The following FNDC3A variants were observed in gnomAD, a reference collection of about 807,000 sequenced individuals.
The protein encoded by FNDC3A is fibronectin type III domain containing 3A.
FNDC3A carries 32 observed loss-of-function variants against 148.9 expected under a neutral mutation model. The observed-to-expected ratio is 0.21, with a 90% CI of 0.16 to 0.29. The LOEUF is 0.29. Among genes scored for constraint, FNDC3A ranks in the 10% least tolerant of loss-of-function variants. The pLI, the probability that FNDC3A is intolerant of heterozygous loss-of-function variation, is 1.00. For synonymous variants in FNDC3A, 472 were observed against 473.6 expected (o/e 1.00, Z 0.04); for missense variants, 1,191 against 1,452.8 (o/e 0.82, Z 2.93).
chr13:49,086,949 T>C (rs1168598714), intron 3 of FNDC3A, among the ~76,000 whole-genome samples: 1 of 152,142 alleles, frequency 6.6e-6, no homozygotes, highest in Non-Finnish European at 1.5e-5. Context: ...TGAATGACTA[T>C]GATTCATTCC....
rs749321231 is a variant in FNDC3A at position 49,198,213 on chromosome 13, G to C, written c.2722G>C (p.Gly908Arg). Residue 908 changes from glycine to arginine, a missense_variant, in exon 22 of 26, where the codon GGA becomes CGA. By Grantham distance (125) the Gly-to-Arg change is moderately radical (BLOSUM62 -2). Transcript: ENST00000492622. ...TGGAGATAAACAATCCCTAACAGTG[G>C]GAAAGGTTACAAGCTATATTATCAA... ...DFGDKQSLTV[G>R]KVTSYIINNL... 10 of 1,613,978 alleles carry C rather than the reference G, an allele frequency of 6.2e-6. No homozygotes were observed. Among genetic ancestry groups the C allele is most frequent in the Non-Finnish European group, 8.5e-6 (10 of 1,179,954 alleles).
intron 13 of FNDC3A, among the ~76,000 whole-genome samples, chr13:49,178,188 G>T (rs535268270): frequency 7.7e-4 from 118 of 152,280 alleles, no homozygotes; most frequent in African/African-American, 2.7e-3. Flanking sequence ...AGTTAAATAT[G>T]TTAACTACTT....
At chr13:49,154,063 T>A (rs1388210924) in intron 8 of FNDC3A, among the ~76,000 whole-genome samples, 12 of 116,378 alleles carry the variant, frequency 1.0e-4, no homozygotes, top group African/African-American at 2.3e-4. Flanking sequence ...AAGAAAGTCA[T>A]TGGTAGCTTG....
chr13:49,087,803 C>T (rs1264639073), intron 3 of FNDC3A, among the ~76,000 whole-genome samples: 3 of 151,970 alleles, frequency 2.0e-5, no homozygotes, highest in Admixed American at 1.3e-4. Context: ...AAAATGGTAA[C>T]TTGTTTTTTA....
intron 2 of FNDC3A, among the ~76,000 whole-genome samples, chr13:49,029,320 C>G (rs1873945985): frequency 6.6e-6 from 1 of 151,898 alleles, no homozygotes. Context: ...TTCTACAAAG[C>G]CAGTAGGCCA....
At chr13:49,123,386 G>A (rs527528911) in intron 4 of FNDC3A, among the ~76,000 whole-genome samples, 14 of 151,896 alleles carry the variant, frequency 9.2e-5, no homozygotes, top group South Asian at 2.1e-4. Context: ...ACCTAAAACC[G>A]TAAAAACCCT....
At chr13:49,130,946 A>T (rs1881992061) in intron 4 of FNDC3A, among the ~76,000 whole-genome samples, 191 bp from the exon 5 acceptor site, 3 of 151,970 alleles carry the variant, frequency 2.0e-5, no homozygotes, top group African/African-American at 7.3e-5. Flanking sequence ...TTGTATTTTT[A>T]GTAGAGACAG....
intron 25 of FNDC3A, 118 bp downstream of exon 25, chr13:49,203,402 TA>T: frequency 1.5e-6 from 1 of 674,602 alleles, no homozygotes; most frequent in South Asian, 2.1e-5. Flanking sequence ...TTATTCAGTA[TA>T]TATTATGTTC....
chr13:49,064,850 G>A (rs1368563873), intron 2 of FNDC3A, among the ~76,000 whole-genome samples: 3 of 152,188 alleles, frequency 2.0e-5, no homozygotes, highest in African/African-American at 7.2e-5. Context: ...TTGCAAGGCA[G>A]GAGGGTATAA....
chr13:49,129,821 A>AT (rs1881922145), intron 4 of FNDC3A, among the ~76,000 whole-genome samples: 1 of 152,182 alleles, frequency 6.6e-6, no homozygotes, highest in South Asian at 2.1e-4. Context: ...TAATAATCTA[A>AT]TTAATGTTTG....
chr13:49,140,469 G>A (rs542200660), intron 7 of FNDC3A, among the ~76,000 whole-genome samples: 1 of 152,256 alleles, frequency 6.6e-6, no homozygotes, highest in South Asian at 2.1e-4. Context: ...ATAAAGTAAT[G>A]CTGATGGTTT....
chr13:48,985,711 C>G (rs1030657329), intron 1 of FNDC3A, among the ~76,000 whole-genome samples: 5 of 152,062 alleles, frequency 3.3e-5, no homozygotes, highest in African/African-American at 1.2e-4. Flanking sequence ...ACATAACAAC[C>G]AATCCCAGAA....
intron 4 of FNDC3A, among the ~76,000 whole-genome samples, chr13:49,128,928 C>T (rs1881865850): frequency 6.6e-6 from 1 of 152,244 alleles, no homozygotes; most frequent in African/African-American, 2.4e-5. Context: ...AAGGCCTACT[C>T]TGATCCCTGT....
chr13:49,027,652 G>A (rs1873816206), intron 2 of FNDC3A, among the ~76,000 whole-genome samples: 1 of 152,020 alleles, frequency 6.6e-6, no homozygotes, highest in Non-Finnish European at 1.5e-5. Flanking sequence ...TATGAGTTAA[G>A]AGGTTAATTA....
chr13:49,188,484 A>G (rs1306385031), intron 16 of FNDC3A, 31 bp from the exon 17 acceptor site: 9 of 1,345,932 alleles, frequency 6.7e-6, no homozygotes, highest in Non-Finnish European at 1.1e-6. Context: ...ATTACCTAGT[A>G]TCTGATTGAA....
At chr13:49,070,508 G>A (rs1877580363) in intron 2 of FNDC3A, among the ~76,000 whole-genome samples, 1 of 152,082 alleles carries the variant, frequency 6.6e-6, no homozygotes, top group African/African-American at 2.4e-5. Context: ...TGTATACAAT[G>A]TCCAATGATC....
intron 1 of FNDC3A, among the ~76,000 whole-genome samples, chr13:48,990,268 C>T (rs1951888647): frequency 6.6e-6 from 1 of 151,838 alleles, no homozygotes; most frequent in African/African-American, 2.4e-5. Context: ...AATAATTTAT[C>T]ACTTTCATTT....
At chr13:49,089,741 C>T (rs1048663833) in intron 3 of FNDC3A, among the ~76,000 whole-genome samples, 1 of 152,164 alleles carries the variant, frequency 6.6e-6, no homozygotes, top group Non-Finnish European at 1.5e-5. Flanking sequence ...CCCTAGTTCA[C>T]GCTTCTTTTT....
Position 49,137,734 on chromosome 13 carries a change from T to A in FNDC3A, c.761-1013T>A, listed in dbSNP as rs180757949. On this transcript the variant is annotated intron_variant, in intron 6 of 25. Coordinates refer to ENST00000492622, the MANE Select transcript of FNDC3A (RefSeq NM_001079673.2). ...AGCCTGTCTTTCATATGCCTACAGT[T>A]GTGGAGTTAGTACCCAGTACTTTTG... is the stretch of plus-strand genomic sequence containing the variant. 6.3e-3 allele frequency among the ~76,000 whole-genome samples: 965 copies of A among 152,342 alleles called. 8 individuals are homozygous for A. Among genetic ancestry groups the A allele is most frequent in the Middle Eastern group, 0.034 (10 of 294 alleles).
Sources: gnomAD v4.1 joint callset for allele counts (sites outside exome capture counted in the v4.1 genomes callset) on GRCh38, gnomAD v4.1.1 for gene constraint, MANE v1.5 for transcripts, NCBI Gene and HGNC (gene_info 2026-07-23, HGNC 2026-07-21) for gene names.